GAS2: variants seen among roughly 807,000 people sequenced by gnomAD.
GAS2 encodes growth arrest specific 2.
A neutral mutation model predicts 37.5 loss-of-function variants in GAS2; 20 were observed. That is an observed-to-expected ratio of 0.53 (90% CI 0.37 to 0.77). GAS2 has a LOEUF of 0.77. GAS2 is among the 30% of genes least tolerant of loss of function. The pLI, the probability that GAS2 is intolerant of heterozygous loss-of-function variation, is 0.00. For missense variants in GAS2, 336 were observed against 373.4 expected (o/e 0.90, Z 0.82); for synonymous variants, 144 against 132.2 (o/e 1.09, Z -0.61).
At chr11:22,756,057 G>A (rs1000109389) in intron 7 of GAS2, 104 bp downstream of exon 7, 18 of 724,852 alleles carry the variant, frequency 2.5e-5, no homozygotes, top group Admixed American at 5.6e-5. Flanking sequence ...TGGTGCTTAC[G>A]TTTAAAGATA....
intron 5 of GAS2, among the ~76,000 whole-genome samples, chr11:22,741,168 A>T (rs550923724): frequency 6.6e-6 from 1 of 152,314 alleles, no homozygotes; most frequent in South Asian, 2.1e-4. Flanking sequence ...AGATGGCTGA[A>T]TGAGACCACT....
chr11:22,643,720 G>A (rs1192546258), intron 1 of GAS2, among the ~76,000 whole-genome samples: 5 of 151,116 alleles, frequency 3.3e-5, no homozygotes, highest in Admixed American at 6.6e-5. Flanking sequence ...AATACGGACC[G>A]GGTTCTGTTT....
At chr11:22,657,338 A>G (rs1207407627) in intron 1 of GAS2, among the ~76,000 whole-genome samples, 2 of 152,214 alleles carry the variant, frequency 1.3e-5, no homozygotes, top group Admixed American at 1.3e-4. Flanking sequence ...AGGTGGGGTT[A>G]GCTGGTTTTC....
intron 3 of GAS2, among the ~76,000 whole-genome samples, chr11:22,721,893 A>G (rs138403590): frequency 1.3e-5 from 2 of 152,064 alleles, no homozygotes; most frequent in African/African-American, 4.8e-5. Context: ...AGGAAATCAT[A>G]GATATTCAGT....
At chr11:22,755,468 A>G (rs953678498) in intron 6 of GAS2, among the ~76,000 whole-genome samples, 3 of 152,142 alleles carry the variant, frequency 2.0e-5, no homozygotes, top group Non-Finnish European at 4.4e-5. Context: ...CTATGTTAAC[A>G]TACTTTCTAT....
chr11:22,648,149 C>T (rs950001892), intron 1 of GAS2, among the ~76,000 whole-genome samples: 1 of 152,160 alleles, frequency 6.6e-6, no homozygotes, highest in Non-Finnish European at 1.5e-5. Flanking sequence ...TATGGCTAGC[C>T]AGTTTTCCCA....
At chr11:22,669,776 T>C (rs1849129531) in intron 1 of GAS2, among the ~76,000 whole-genome samples, 1 of 152,220 alleles carries the variant, frequency 6.6e-6, no homozygotes. Flanking sequence ...TTTTGCTTTA[T>C]GTTTGGTGCT....
At chr11:22,659,625 C>T (rs1454990872) in intron 1 of GAS2, among the ~76,000 whole-genome samples, 4 of 152,142 alleles carry the variant, frequency 2.6e-5, no homozygotes, top group Non-Finnish European at 5.9e-5. Flanking sequence ...ATCTTCACCA[C>T]ATGGGGCAGC....
chr11:22,785,072 G>A (rs1431415445), intron 7 of GAS2, among the ~76,000 whole-genome samples: 2 of 152,100 alleles, frequency 1.3e-5, no homozygotes, highest in African/African-American at 4.8e-5. Flanking sequence ...TATTCCAAAT[G>A]TAGAGATTCT....
intron 3 of GAS2, among the ~76,000 whole-genome samples, chr11:22,707,456 T>G (rs1250780744): frequency 6.6e-6 from 1 of 152,188 alleles, no homozygotes; most frequent in Non-Finnish European, 1.5e-5. Flanking sequence ...TCCATACTTT[T>G]AAAAGTCACA....
At chr11:22,689,570 A>G (rs967101061) in intron 3 of GAS2, among the ~76,000 whole-genome samples, 6 of 152,210 alleles carry the variant, frequency 3.9e-5, no homozygotes, top group Non-Finnish European at 8.8e-5. Context: ...CTTCATGGCT[A>G]CTATTGTTCA....
chr11:22,665,991 C>T (rs995593521), upstream of GAS2, among the ~76,000 whole-genome samples: 3 of 152,212 alleles, frequency 2.0e-5, no homozygotes, highest in Non-Finnish European at 4.4e-5. Context: ...TTTATTTATG[C>T]TCCATGGGAG....
chr11:22,726,755 A>G (rs772780430), intron 4 of GAS2, among the ~76,000 whole-genome samples: 7 of 152,040 alleles, frequency 4.6e-5, no homozygotes, highest in African/African-American at 7.2e-5. Flanking sequence ...AGAGGACCAA[A>G]TTTTACCCCC....
intron 1 of GAS2, among the ~76,000 whole-genome samples, chr11:22,641,682 T>G (rs1472362130): frequency 6.6e-6 from 1 of 152,144 alleles, no homozygotes; most frequent in East Asian, 1.9e-4. Flanking sequence ...TTAAATTGTC[T>G]TCCAAATCCC....
At chr11:22,636,048 C>T (rs1418739199) in intron 1 of GAS2, among the ~76,000 whole-genome samples, 1 of 152,174 alleles carries the variant, frequency 6.6e-6, no homozygotes, top group East Asian at 1.9e-4. Context: ...CAGTTTTCCA[C>T]CTGGCTTAGG....
intron 5 of GAS2, among the ~76,000 whole-genome samples, chr11:22,744,733 C>T (rs1313398557): frequency 6.6e-6 from 1 of 152,010 alleles, no homozygotes; most frequent in Non-Finnish European, 1.5e-5. Flanking sequence ...GAAGCATTTC[C>T]CTTAAGAAGG....
At chr11:22,806,110 C>G (rs745455353) in intron 7 of GAS2, among the ~76,000 whole-genome samples, 14 of 152,084 alleles carry the variant, frequency 9.2e-5, no homozygotes, top group Non-Finnish European at 1.9e-4. Flanking sequence ...GGGAATGCAG[C>G]CCAGTAGGTC....
intron 7 of GAS2, among the ~76,000 whole-genome samples, chr11:22,781,984 A>G (rs572478107): frequency 3.3e-5 from 5 of 152,312 alleles, no homozygotes; most frequent in African/African-American, 1.2e-4. Flanking sequence ...TAATCAGTTG[A>G]TGGTCTGCAT....
chr11:22,741,906 T>C (rs1853105913), intron 5 of GAS2, among the ~76,000 whole-genome samples: 1 of 152,162 alleles, frequency 6.6e-6, no homozygotes, highest in African/African-American at 2.4e-5. Context: ...TTTGTCCCTC[T>C]AACCCTAGTA....
Sources: allele counts gnomAD v4.1 joint callset (sites outside exome capture counted in the v4.1 genomes callset), GRCh38; gene constraint gnomAD v4.1.1; transcripts MANE v1.5; gene names NCBI Gene and HGNC (gene_info 2026-07-23, HGNC 2026-07-21).